Variants in PTPRD observed in about 807,000 individuals in gnomAD.
PTPRD encodes receptor-type tyrosine-protein phosphatase delta.
PTPRD carries 34 observed loss-of-function variants against 214.5 expected under a neutral mutation model. The ratio of observed to expected loss-of-function variants is 0.16; its 90% CI spans 0.12 to 0.21. PTPRD has a LOEUF of 0.21. PTPRD is among the 10% of genes least tolerant of loss of function. The pLI is 1.00. For synonymous variants in PTPRD, 1,128 were observed against 845.7 expected (o/e 1.33, Z -5.79); for missense variants, 2,545 against 2,398.7 (o/e 1.06, Z -1.27).
At chr9:8,889,522 G>T (rs953951476) in intron 11 of PTPRD, among the ~76,000 whole-genome samples, 22 of 152,110 alleles carry the variant, frequency 1.4e-4, no homozygotes, top group African/African-American at 5.1e-4. Flanking sequence ...ACATGGATAA[G>T]TTCGTTAGTG....
At chr9:9,979,996 G>A (rs998687066) in intron 4 of PTPRD, among the ~76,000 whole-genome samples, 3 of 152,148 alleles carry the variant, frequency 2.0e-5, no homozygotes, top group African/African-American at 7.2e-5. Context: ...TAATCCACAT[G>A]TGAGAGGAGA....
At chr9:8,365,057 G>A (rs991509233) in intron 39 of PTPRD, among the ~76,000 whole-genome samples, 2 of 152,030 alleles carry the variant, frequency 1.3e-5, no homozygotes. Flanking sequence ...GCAGTCTGAA[G>A]ACTTGAGTCC....
At chr9:9,710,977 T>C (rs1042431863) in intron 7 of PTPRD, among the ~76,000 whole-genome samples, 4 of 147,914 alleles carry the variant, frequency 2.7e-5, no homozygotes, top group African/African-American at 4.9e-5. Flanking sequence ...AGAGAGAGCG[T>C]GTGTGTGTGT....
At chr9:9,863,929 T>C (rs1267858141) in intron 5 of PTPRD, among the ~76,000 whole-genome samples, 1 of 152,102 alleles carries the variant, frequency 6.6e-6, no homozygotes, top group African/African-American at 2.4e-5. Flanking sequence ...TGCAGTTATG[T>C]GAGTTATTTT....
chr9:10,562,754 G>A (rs1427554031), intron 2 of PTPRD, among the ~76,000 whole-genome samples: 1 of 152,066 alleles, frequency 6.6e-6, no homozygotes, highest in Non-Finnish European at 1.5e-5. Context: ...ACAGCACAAT[G>A]AGTCAGAAAG....
chr9:9,450,755 G>T (rs10977762), intron 8 of PTPRD, among the ~76,000 whole-genome samples: 2 of 150,952 alleles, frequency 1.3e-5, no homozygotes, highest in African/African-American at 2.4e-5. Flanking sequence ...TTATGGGGGG[G>T]GGTGTGTGTG....
chr9:9,460,283 T>C (rs938623644), intron 8 of PTPRD, among the ~76,000 whole-genome samples: 1 of 151,914 alleles, frequency 6.6e-6, no homozygotes, highest in Non-Finnish European at 1.5e-5. Flanking sequence ...TTGACCCAGG[T>C]AAAGAATTTA....
chr9:9,041,303 T>C (rs912008407), intron 10 of PTPRD, among the ~76,000 whole-genome samples: 1 of 152,130 alleles, frequency 6.6e-6, no homozygotes, highest in Admixed American at 6.6e-5. Flanking sequence ...ACAGATTATT[T>C]TGTCACTCAG....
At chr9:9,777,325 GCACACACACACA>G (rs34617348) in intron 5 of PTPRD, among the ~76,000 whole-genome samples, 1 of 143,182 alleles carries the variant, frequency 7.0e-6, no homozygotes, top group Non-Finnish European at 1.5e-5. Context: ...GCACATACAT[GCACACACACACA>G]CACACACACA....
At chr9:10,139,603 A>G (rs1303846312) in intron 3 of PTPRD, among the ~76,000 whole-genome samples, 1 of 152,102 alleles carries the variant, frequency 6.6e-6, no homozygotes, top group Non-Finnish European at 1.5e-5. Flanking sequence ...CAAACAAACG[A>G]AATGAGCTGG....
chr9:10,063,513 G>T (rs2097818525), intron 3 of PTPRD, among the ~76,000 whole-genome samples: 1 of 151,978 alleles, frequency 6.6e-6, no homozygotes, highest in Non-Finnish European at 1.5e-5. Context: ...GTAAACCTTG[G>T]AAATATTTTA....
At position 10,278,837 on chromosome 9, in the gene PTPRD, C is replaced by T. The variant is rs140197959; in HGVS notation, c.-545+62126G>A. ...TTGCCCAGGCTGGAGTGCAGTAGCG[C>T]GATCTCGGCTCACTGCAAGCTCCGT... On this transcript the variant is annotated intron_variant, in intron 3 of 45. Coordinates refer to ENST00000381196, the MANE Select transcript of PTPRD (RefSeq NM_002839.4). Among the ~76,000 whole-genome samples, 464 of 151,918 alleles carry T rather than the reference C, an allele frequency of 3.1e-3. 11 individuals are homozygous for T. Among genetic ancestry groups the T allele is most frequent in the Admixed American group, 0.023 (355 of 15,250 alleles).
chr9:8,733,358 T>G (rs1054931101), intron 12 of PTPRD, among the ~76,000 whole-genome samples: 2 of 152,134 alleles, frequency 1.3e-5, no homozygotes, highest in Non-Finnish European at 2.9e-5. Flanking sequence ...GAAGTTTAAT[T>G]AGGCTCATTG....
Position 8,829,724 on chromosome 9 carries a change from C to T in PTPRD, c.-103-95778G>A, listed in dbSNP as rs778455913. Among the ~76,000 whole-genome samples the T allele has an allele frequency of 1.6e-4, 24 of 152,208 alleles. 2 individuals carry two copies. In the Middle Eastern group the frequency reaches 0.024, roughly 151 times the overall value. ...ATCCTCTAGAGATATATTTTGACAGCACAGAACAATGAAACAACCATAGAA... is the reference window on the plus strand; with the variant it reads ...ATCCTCTAGAGATATATTTTGACAGTACAGAACAATGAAACAACCATAGAA... On this transcript the variant is annotated intron_variant, in intron 11 of 45. Coordinates refer to ENST00000381196, the MANE Select transcript of PTPRD (RefSeq NM_002839.4).
At chr9:9,096,974 T>G (rs2099784442) in intron 10 of PTPRD, among the ~76,000 whole-genome samples, 1 of 152,224 alleles carries the variant, frequency 6.6e-6, no homozygotes. Context: ...GTGTTGCATT[T>G]CATATTTCTG....
chr9:9,194,053 T>C (rs2099936809), intron 9 of PTPRD, among the ~76,000 whole-genome samples: 1 of 152,140 alleles, frequency 6.6e-6, no homozygotes, highest in East Asian at 1.9e-4. Flanking sequence ...AAAATAATCT[T>C]TATACTTTAA....
chr9:8,694,052 C>T (rs2097859596), intron 12 of PTPRD, among the ~76,000 whole-genome samples: 2 of 152,108 alleles, frequency 1.3e-5, no homozygotes, highest in Non-Finnish European at 2.9e-5. Context: ...ACGTTTAAGT[C>T]TTCTTGTAAA....
chr9:8,449,596 T>C lies in PTPRD; in HGVS notation c.3988+129A>G, dbSNP rs532510503. On this transcript the variant is annotated intron_variant, in intron 34 of 45. Transcript: ENST00000381196. ...CTTTTGCTTGGGCAAGTCTCCATAA[T>C]AGTAAAATAAAAGAGCAGGATGAAC... 28 of 848,278 alleles carry C rather than the reference T, an allele frequency of 3.3e-5. No individual in the cohort carries two copies. In the South Asian group the frequency reaches 3.4e-4, roughly 10 times the overall value. 52.5% of individuals were successfully genotyped at this position (848,278 alleles called of 1,614,324 possible). A position where few individuals can be genotyped will look rare whatever the true frequency, so the allele number is the denominator to read the frequency against.
chr9:9,411,254 C>G (rs1363508930), intron 8 of PTPRD, among the ~76,000 whole-genome samples: 2 of 66,424 alleles, frequency 3.0e-5, no homozygotes, highest in Admixed American at 3.6e-4. Flanking sequence ...GGATACATAG[C>G]ATTGTGTCTT....
Sources: gnomAD v4.1 joint callset for allele counts (sites outside exome capture counted in the v4.1 genomes callset) on GRCh38, gnomAD v4.1.1 for gene constraint, MANE v1.5 for transcripts, NCBI Gene and HGNC (gene_info 2026-07-23, HGNC 2026-07-21) for gene names.